The following SGCZ variants were observed in gnomAD, a reference collection of about 807,000 sequenced individuals.
SGCZ encodes zeta-sarcoglycan.
In SGCZ, 40 loss-of-function variants were observed where a neutral mutation model predicts 41.3. That is an observed-to-expected ratio of 0.97 (90% CI 0.75 to 1.26). The LOEUF (loss-of-function observed/expected upper bound fraction) is 1.26, where lower values mean the gene tolerates loss of function less well. Ranked by LOEUF, SGCZ falls within the 50% of genes most tolerant of loss-of-function variation. The pLI is 0.00. For synonymous variants in SGCZ, 206 were observed against 137.5 expected (o/e 1.50, Z -3.49); for missense variants, 552 against 369.8 (o/e 1.49, Z -4.04).
At chr8:15,019,302 G>C (rs1324821199) in intron 1 of SGCZ, among the ~76,000 whole-genome samples, 1 of 152,190 alleles carries the variant, frequency 6.6e-6, no homozygotes, top group Non-Finnish European at 1.5e-5. Context: ...TTTGGAATAT[G>C]TCTTGAAGAC....
intron 1 of SGCZ, among the ~76,000 whole-genome samples, chr8:14,928,275 T>C (rs778440665): frequency 3.9e-5 from 6 of 152,154 alleles, no homozygotes; most frequent in Non-Finnish European, 8.8e-5. Flanking sequence ...CTAGTTATGA[T>C]CATACGCCAT....
At chr8:14,221,097 C>T (rs537795705) in intron 4 of SGCZ, among the ~76,000 whole-genome samples, 34 of 152,088 alleles carry the variant, frequency 2.2e-4, no homozygotes, top group African/African-American at 6.3e-4. Flanking sequence ...GAAAAAAATG[C>T]CAATAAACGG....
chr8:14,824,411 A>T (rs1802219556), intron 1 of SGCZ, among the ~76,000 whole-genome samples: 1 of 152,176 alleles, frequency 6.6e-6, no homozygotes, highest in Non-Finnish European at 1.5e-5. Context: ...AATTTTAAAA[A>T]TTTTCATGTC....
chr8:14,963,872 C>A (rs908654504), intron 1 of SGCZ, among the ~76,000 whole-genome samples: 3 of 152,148 alleles, frequency 2.0e-5, no homozygotes, highest in Non-Finnish European at 4.4e-5. Flanking sequence ...AAATTTATTT[C>A]TTTTCAGTGC....
At chr8:15,115,847 AG>A (rs1445994593) in intron 1 of SGCZ, among the ~76,000 whole-genome samples, 1 of 152,250 alleles carries the variant, frequency 6.6e-6, no homozygotes, top group Non-Finnish European at 1.5e-5. Flanking sequence ...ATATTCCCAA[AG>A]GGGAAAAATA....
chr8:14,813,674 G>A (rs1299109099), intron 1 of SGCZ, among the ~76,000 whole-genome samples: 3 of 152,058 alleles, frequency 2.0e-5, no homozygotes, highest in African/African-American at 4.8e-5. Flanking sequence ...AAGCAAGGCC[G>A]CGAGCAGTGG....
At chr8:15,185,419 A>G (rs928926571) in intron 1 of SGCZ, among the ~76,000 whole-genome samples, 6 of 152,230 alleles carry the variant, frequency 3.9e-5, no homozygotes, top group Admixed American at 6.5e-5. Context: ...GTTCACCATG[A>G]AGTTTTAAGT....
intron 1 of SGCZ, among the ~76,000 whole-genome samples, chr8:14,570,363 G>C (rs879459633): frequency 6.6e-6 from 1 of 152,194 alleles, no homozygotes; most frequent in Non-Finnish European, 1.5e-5. Context: ...GTGATAGTCA[G>C]AGGATGGAGT....
chr8:14,496,094 C>T (rs1801979690), intron 2 of SGCZ, among the ~76,000 whole-genome samples: 1 of 152,082 alleles, frequency 6.6e-6, no homozygotes, highest in Admixed American at 6.6e-5. Context: ...GGGATAGGCT[C>T]TCATTCTGTC....
intron 3 of SGCZ, among the ~76,000 whole-genome samples, chr8:14,310,091 G>A (rs1305002999): frequency 1.3e-5 from 2 of 152,084 alleles, no homozygotes; most frequent in African/African-American, 4.8e-5. Flanking sequence ...TTGCTGGTTT[G>A]AAAGATTATG....
intron 1 of SGCZ, among the ~76,000 whole-genome samples, chr8:14,942,019 C>A (rs1412595352): frequency 1.3e-5 from 2 of 151,936 alleles, no homozygotes; most frequent in Admixed American, 6.6e-5. Flanking sequence ...AATAGCCCAA[C>A]AATTGGGCTA....
At chr8:14,572,387 G>A (rs79770526) in intron 1 of SGCZ, among the ~76,000 whole-genome samples, 2,746 of 152,186 alleles carry the variant, frequency 0.018, 79 homozygotes, top group African/African-American at 0.058. Context: ...AAGGAAGAAA[G>A]AGAATTAACA....
intron 3 of SGCZ, among the ~76,000 whole-genome samples, chr8:14,274,307 T>A (rs924106922): frequency 1.3e-5 from 2 of 152,152 alleles, no homozygotes; most frequent in Non-Finnish European, 2.9e-5. Flanking sequence ...GAATCCAACA[T>A]CTGACAATCT....
chr8:14,143,177 A>G (rs964302359), intron 5 of SGCZ, among the ~76,000 whole-genome samples: 5 of 152,154 alleles, frequency 3.3e-5, no homozygotes, highest in Non-Finnish European at 7.3e-5. Flanking sequence ...TATTTGACAA[A>G]GAACGTATTT....
chr8:14,712,757 C>A (rs7833574), intron 1 of SGCZ, among the ~76,000 whole-genome samples: 1 of 152,018 alleles, frequency 6.6e-6, no homozygotes, highest in African/African-American at 2.4e-5. Context: ...CTAACTCAGA[C>A]GCAACATCTC....
chr8:14,534,431 T>A (rs1268236244), intron 2 of SGCZ, among the ~76,000 whole-genome samples: 1 of 152,062 alleles, frequency 6.6e-6, no homozygotes, highest in Non-Finnish European at 1.5e-5. Context: ...ATATTTAGTT[T>A]CTAGCATTGT....
chr8:14,348,561 C>T (rs1270983303), intron 2 of SGCZ, among the ~76,000 whole-genome samples: 1 of 152,100 alleles, frequency 6.6e-6, no homozygotes, highest in African/African-American at 2.4e-5. Flanking sequence ...ATCAATGTAT[C>T]CATAGTGCCA....
At chr8:14,120,216 C>T (rs1802656469) in intron 5 of SGCZ, among the ~76,000 whole-genome samples, 1 of 152,020 alleles carries the variant, frequency 6.6e-6, no homozygotes, top group Admixed American at 6.6e-5. Context: ...GGTTTAATGG[C>T]AGACAATTAA....
At chr8:15,184,203 T>C (rs138892377) in intron 1 of SGCZ, among the ~76,000 whole-genome samples, 7 of 152,344 alleles carry the variant, frequency 4.6e-5, no homozygotes, top group African/African-American at 1.7e-4. Flanking sequence ...TCATCATATA[T>C]ACTGTCACTA....
Sources: allele counts gnomAD v4.1 joint callset (sites outside exome capture counted in the v4.1 genomes callset), GRCh38; gene constraint gnomAD v4.1.1; transcripts MANE v1.5; gene names NCBI Gene and HGNC (gene_info 2026-07-23, HGNC 2026-07-21).